Variants in COL6A5 observed in about 807,000 individuals in gnomAD.
The protein encoded by COL6A5 is collagen alpha-5(VI) chain.
In COL6A5, 48 loss-of-function variants were observed where a neutral mutation model predicts 65.6. The observed-to-expected ratio is 0.73, with a 90% CI of 0.58 to 0.93. The LOEUF (loss-of-function observed/expected upper bound fraction) is 0.93. Among genes scored for constraint, COL6A5 ranks in the 40% least tolerant of loss-of-function variants. The pLI is 0.00. For synonymous variants in COL6A5, 291 were observed against 322.8 expected, an observed-to-expected ratio of 0.90 and a Z score of 1.05; for missense variants, 914 against 928.3, an observed-to-expected ratio of 0.98 and a Z score of 0.20.
exon 1 of COL6A5, chr3:130,431,893 G>A (rs1227326025): frequency 6.4e-7 from 1 of 1,551,560 alleles, no homozygotes; most frequent in African/African-American, 1.4e-5. Context: ...TAGTGCCCTG[G>A]ATATCAGTCC....
chr3:130,421,129 A>G, intron 25 of COL6A5, 24 bp from the exon 26 acceptor site: 1 of 1,548,534 alleles, frequency 6.5e-7, no homozygotes, highest in Non-Finnish European at 8.7e-7. Context: ...TGAGAAATTG[A>G]AAAAAACTGG....
chr3:130,480,865 A>G (rs1415167147), intron 7 of COL6A5, among the ~76,000 whole-genome samples: 3 of 152,102 alleles, frequency 2.0e-5, no homozygotes, highest in Non-Finnish European at 4.4e-5. Flanking sequence ...GAGTGCTCAC[A>G]GGAGAACCAG....
intron 1 of COL6A5, among the ~76,000 whole-genome samples, chr3:130,437,988 G>A (rs185776040): frequency 5.3e-5 from 8 of 151,262 alleles, no homozygotes; most frequent in Admixed American, 5.3e-4. Flanking sequence ...GGTTTTTTTT[G>A]TTTGCTTTTT....
At chr3:130,411,786 G>A (rs535307070) in intron 20 of COL6A5, among the ~76,000 whole-genome samples, 1 of 152,208 alleles carries the variant, frequency 6.6e-6, no homozygotes, top group Non-Finnish European at 1.5e-5. Context: ...ATAAATCATG[G>A]ACAAACCAGC....
intron 1 of COL6A5, among the ~76,000 whole-genome samples, chr3:130,357,476 T>C (rs927813055): frequency 2.6e-5 from 4 of 152,194 alleles, no homozygotes; most frequent in South Asian, 2.1e-4. Flanking sequence ...TCCAACATGA[T>C]TGATACCTGG....
intron 4 of COL6A5, among the ~76,000 whole-genome samples, chr3:130,445,466 A>C (rs1290888189): frequency 6.6e-6 from 1 of 152,188 alleles, no homozygotes; most frequent in Non-Finnish European, 1.5e-5. Flanking sequence ...GGCTTAACAC[A>C]ACTCTGTATG....
chr3:130,450,320 C>A (rs374801733), intron 4 of COL6A5, among the ~76,000 whole-genome samples: 3 of 152,032 alleles, frequency 2.0e-5, no homozygotes, highest in Non-Finnish European at 2.9e-5. Flanking sequence ...TTTACCTTTG[C>A]GACAACGTGG....
intron 1 of COL6A5, among the ~76,000 whole-genome samples, chr3:130,350,030 A>G (rs1559851312): frequency 1.3e-5 from 2 of 152,234 alleles, no homozygotes; most frequent in East Asian, 1.9e-4. Context: ...AAAGACACCT[A>G]CTTTCCTGCT....
rs556185801 is a variant in COL6A5, at chr3:130,395,889, G to A, written c.3568+424G>A. On this transcript the variant is annotated intron_variant and NMD_transcript_variant, in intron 8 of 41. Transcript: ENST00000312481. ...TTAAGCCATCTTGTAAGGGACTCGT[G>A]TGTGTGTGTGTGTGTGTATGTGTGT... Among the ~76,000 whole-genome samples, 51 of 97,838 alleles carry A rather than the reference G, an allele frequency of 5.2e-4. 1 individual carries two copies. The East Asian group carries it at 0.054, about 103-fold the overall frequency. 64.2% of individuals were successfully genotyped at this position (97,838 alleles called of 152,430 possible). A position where few individuals can be genotyped will look rare whatever the true frequency, so the allele number is the denominator to read the frequency against.
At chr3:130,406,356 G>T in intron 17 of COL6A5, 35 bp downstream of exon 17, 1 of 1,497,358 alleles carries the variant, frequency 6.7e-7, no homozygotes, top group Non-Finnish European at 9.1e-7. Context: ...CAAAGAAGGA[G>T]AATTTGGTGA....
In COL6A5 at chr3:130,406,286, G is replaced by A; in HGVS notation, c.4444G>A (p.Gly1482Arg). ...CTTTTAGGGCTGTCATGGATTTCCT[G>A]GAATAAAAGGAGAAAAAGGTGATCC... The change falls in exon 17 of 42, where the codon GGA (glycine) becomes AGA (arginine). Residue 1482 changes from glycine (G) to arginine (R), a missense_variant and NMD_transcript_variant. Transcript: ENST00000312481. The A allele has an allele frequency of 3.2e-6, 5 of 1,550,452 alleles. No individual in the cohort carries two copies. The South Asian group carries it at 6.0e-5, about 18-fold the overall frequency.
At chr3:130,401,171 C>G (rs1162195206) in exon 11 of COL6A5, 7 of 1,536,576 alleles carry the variant, frequency 4.6e-6, no homozygotes, top group Non-Finnish European at 5.3e-6. Flanking sequence ...ATCACAGTAC[C>G]TGGTGAGTTG....
chr3:130,391,699 A>G, exon 7 of COL6A5: 1 of 1,551,608 alleles, frequency 6.4e-7, no homozygotes, highest in African/African-American at 1.4e-5. Flanking sequence ...ATTTTGACAA[A>G]CTGAAAGATG....
exon 5 of COL6A5, chr3:130,385,259 C>T: frequency 6.4e-7 from 1 of 1,550,920 alleles, no homozygotes; most frequent in Non-Finnish European, 8.7e-7. Flanking sequence ...TAAAATAGAA[C>T]TGCAAGAAAT....
intron 5 of COL6A5, among the ~76,000 whole-genome samples, chr3:130,386,549 C>T (rs2107648286): frequency 6.6e-6 from 1 of 152,170 alleles, no homozygotes; most frequent in South Asian, 2.1e-4. Context: ...ATTTTTCTCC[C>T]TGTTATGGAC....
chr3:130,453,789 G>A (rs1019927659), intron 4 of COL6A5, among the ~76,000 whole-genome samples: 4 of 152,146 alleles, frequency 2.6e-5, no homozygotes, highest in Non-Finnish European at 4.4e-5. Context: ...AAGCAAAGGA[G>A]CTTCTCAGAG....
At chr3:130,455,687 G>C (rs368196562) in intron 5 of COL6A5, 21 bp downstream of exon 37, 4 of 1,556,232 alleles carry the variant, frequency 2.6e-6, no homozygotes, top group Non-Finnish European at 3.5e-6. Context: ...GAAAAGTCAT[G>C]ATGGAAATGT....
At chr3:130,483,312 G>A (rs1385645661) in intron 7 of COL6A5, among the ~76,000 whole-genome samples, 1 of 152,112 alleles carries the variant, frequency 6.6e-6, no homozygotes, top group East Asian at 1.9e-4. Flanking sequence ...AAGAAGCTGT[G>A]TCAACTAATG....
chr3:130,451,513 G>C (rs1709436304), intron 4 of COL6A5, among the ~76,000 whole-genome samples: 1 of 152,124 alleles, frequency 6.6e-6, no homozygotes. Context: ...AGGAGCTGAA[G>C]TGGATGGGGG....
Sources: allele counts gnomAD v4.1 joint callset (sites outside exome capture counted in the v4.1 genomes callset), GRCh38; gene constraint gnomAD v4.1.1; transcripts MANE v1.5; gene names NCBI Gene and HGNC (gene_info 2026-07-23, HGNC 2026-07-21).